The following RNF4 variants were observed in gnomAD, a reference collection of about 807,000 sequenced individuals.
The protein encoded by RNF4 is ring finger protein 4, also known as E3 ubiquitin-protein ligase RNF4.
In RNF4, 7 loss-of-function variants were observed where a neutral mutation model predicts 24.3. The observed-to-expected ratio is 0.29, with a 90% CI of 0.16 to 0.54. The LOEUF (loss-of-function observed/expected upper bound fraction) is 0.54, where lower values mean the gene tolerates loss of function less well. RNF4 is among the 20% of genes least tolerant of loss of function. RNF4 has a pLI of 0.95. For synonymous variants in RNF4, 83 were observed against 84.3 expected (o/e 0.98, Z 0.09); for missense variants, 209 against 248.5 (o/e 0.84, Z 1.07).
intron 1 of RNF4, among the ~76,000 whole-genome samples, chr4:2,483,051 A>G (rs1735290574): frequency 6.6e-6 from 1 of 152,242 alleles, no homozygotes. Context: ...ACCTGTAAGA[A>G]GGGACATGCT....
chr4:2,504,523 CTTTTATTT>C (rs1173108156), intron 4 of RNF4, among the ~76,000 whole-genome samples: 76 of 126,718 alleles, frequency 6.0e-4, no homozygotes, highest in African/African-American at 2.1e-3. Flanking sequence ...TGTTTTATAG[CTTTTATTT>C]ATTTATTTAT....
chr4:2,513,214 C>A (rs1444858504), intron 7 of RNF4, 83 bp downstream of exon 7: 1 of 1,335,904 alleles, frequency 7.5e-7, no homozygotes, highest in South Asian at 1.2e-5. Context: ...TCTTCCCCCT[C>A]GGTGGGATTG....
intron 2 of RNF4, among the ~76,000 whole-genome samples, chr4:2,493,889 T>C (rs1735654001): frequency 6.6e-6 from 1 of 151,812 alleles, no homozygotes; most frequent in African/African-American, 2.4e-5. Context: ...TCGCCCAGGC[T>C]GGAGTGCAGT....
chr4:2,510,275 C>A (rs1225810567), intron 4 of RNF4, among the ~76,000 whole-genome samples: 1 of 152,162 alleles, frequency 6.6e-6, no homozygotes, highest in African/African-American at 2.4e-5. Flanking sequence ...GAAGGAGAAG[C>A]CTAAATCAGC....
intron 1 of RNF4, among the ~76,000 whole-genome samples, chr4:2,483,618 A>C (rs2108755453): frequency 6.6e-6 from 1 of 152,208 alleles, no homozygotes; most frequent in South Asian, 2.1e-4. Context: ...AGCCTGGCCA[A>C]CATGGCAAAG....
chr4:2,469,404 C>G (rs1367860209), intron 1 of RNF4, 146 bp downstream of exon 1: 5 of 152,234 alleles, frequency 3.3e-5, no homozygotes, highest in African/African-American at 9.6e-5. Flanking sequence ...TCTGGTCGCT[C>G]GCACTGCCGT....
chr4:2,513,127 C>A lies in RNF4; in HGVS notation c.419C>A (p.Ser140Ter). The A allele has an allele frequency of 6.2e-7, 1 of 1,613,648 alleles. No individual in the cohort carries two copies. The highest frequency in any genetic ancestry group is 1.1e-5 in the South Asian group (1 of 91,074). The change falls in exon 7 of 8, where the codon TCA (serine) becomes TAA (stop). Residue 140 changes from serine (S) to a stop codon, truncating the protein, a stop_gained. Transcript: ENST00000314289. LOFTEE classifies it high-confidence loss of function. ...VSCPICMDGYSEIVQNGRLIV... is the reference protein window; with the variant it reads ...VSCPICMDGY ...TGTCCCATCTGCATGGACGGATACT[C>A]AGAGGTAAGTAAACCAAGCTGTATC...
rs1415414838 is a variant in RNF4 at position 2,513,997 on chromosome 4, G to A, written c.*178G>A. On this transcript the variant is annotated 3_prime_UTR_variant, in exon 8 of 8. Coordinates refer to ENST00000314289, the MANE Select transcript of RNF4 (RefSeq NM_002938.5). The stretch of plus-strand genomic sequence containing the variant: ...GTTATCTCCAGTTTGATGCTATGGC[G>A]CTGGACCCAGGGCCCTCCCAGGCCA... 3.2e-5 allele frequency: 26 copies of A among 810,066 alleles called. No homozygotes were observed. Among genetic ancestry groups the A allele is most frequent in the African/African-American group, 5.2e-5 (3 of 58,058 alleles). 50.2% of individuals were successfully genotyped at this position (810,066 alleles called of 1,614,324 possible).
chr4:2,472,357 T>A (rs1200996621), intron 1 of RNF4, among the ~76,000 whole-genome samples: 1 of 152,236 alleles, frequency 6.6e-6, no homozygotes, highest in Non-Finnish European at 1.5e-5. Flanking sequence ...ATGTGCTTAG[T>A]CACCAAAGAG....
intron 1 of RNF4, chr4:2,480,956 G>C (rs983196521): frequency 1.1e-4 from 16 of 152,240 alleles, no homozygotes; most frequent in African/African-American, 3.9e-4. Flanking sequence ...AGAACCACTT[G>C]AGAGTTTGCT....
At chr4:2,509,437 C>T (rs1297906847) in intron 4 of RNF4, among the ~76,000 whole-genome samples, 3 of 152,152 alleles carry the variant, frequency 2.0e-5, no homozygotes, top group Non-Finnish European at 4.4e-5. Flanking sequence ...AGGCTGGTCT[C>T]GAACTCCTGA....
chr4:2,504,265 C>G (rs560546795), intron 4 of RNF4, among the ~76,000 whole-genome samples: 56 of 152,146 alleles, frequency 3.7e-4, no homozygotes, highest in Middle Eastern at 3.4e-3. Context: ...CTGCTGTGTC[C>G]CGAGGTGTGA....
At chr4:2,509,251 ATTG>A (rs1482372789) in intron 4 of RNF4, among the ~76,000 whole-genome samples, 3 of 148,398 alleles carry the variant, frequency 2.0e-5, no homozygotes, top group African/African-American at 7.5e-5. Context: ...CAGTTTCGCT[ATTG>A]TTGTCTAGGC....
At chr4:2,502,288 G>T (rs1391295725) in intron 4 of RNF4, among the ~76,000 whole-genome samples, 2 of 152,212 alleles carry the variant, frequency 1.3e-5, no homozygotes, top group African/African-American at 4.8e-5. Context: ...CCTGAGGAGA[G>T]AGCTAGGATT....
intron 1 of RNF4, among the ~76,000 whole-genome samples, chr4:2,475,094 G>C (rs541974382): frequency 6.6e-6 from 1 of 152,328 alleles, no homozygotes; most frequent in South Asian, 2.1e-4. Context: ...TGATCCATGA[G>C]CAGCCATCAT....
intron 3 of RNF4, among the ~76,000 whole-genome samples, chr4:2,500,103 G>A (rs968855547): frequency 5.5e-5 from 8 of 145,890 alleles, no homozygotes; most frequent in Admixed American, 2.1e-4. Context: ...GTTGCAGTGA[G>A]CCAAGATCGC....
chr4:2,490,729 G>A (rs1735554318), intron 2 of RNF4: 1 of 478,970 alleles, frequency 2.1e-6, no homozygotes, highest in African/African-American at 1.9e-5. Context: ...GGCTGAGAAG[G>A]AATAGCTTAG....
At chr4:2,505,328 C>CT (rs767549539) in intron 4 of RNF4, 29,662 of 140,446 alleles carry the variant, frequency 0.21, 3,378 homozygotes, top group Middle Eastern at 0.32. Context: ...CTGCATCTCT[C>CT]TTTTTTTTTT....
At chr4:2,495,140 G>A (rs1735694245) in intron 2 of RNF4, among the ~76,000 whole-genome samples, 1 of 152,206 alleles carries the variant, frequency 6.6e-6, no homozygotes, top group African/African-American at 2.4e-5. Context: ...TTTGGCTGCT[G>A]TCGCTTGGCC....
Sources: gnomAD v4.1 joint callset for allele counts (sites outside exome capture counted in the v4.1 genomes callset) on GRCh38, gnomAD v4.1.1 for gene constraint, MANE v1.5 for transcripts, NCBI Gene and HGNC (gene_info 2026-07-23, HGNC 2026-07-21) for gene names.